The following THSD4 variants were observed in gnomAD, a reference collection of about 807,000 sequenced individuals.
The protein encoded by THSD4 is thrombospondin type 1 domain containing 4.
A neutral mutation model predicts 119.0 loss-of-function variants in THSD4; 69 were observed. The observed-to-expected ratio is 0.58, with a 90% CI of 0.48 to 0.71. The LOEUF is 0.71. Ranked by LOEUF, THSD4 falls within the 30% of genes least tolerant of loss-of-function variation. THSD4 has a pLI of 0.00. For synonymous variants in THSD4, 524 were observed against 540.4 expected (o/e 0.97, Z 0.42); for missense variants, 1,393 against 1,391.1 (o/e 1.00, Z -0.02).
intron 6 of THSD4, among the ~76,000 whole-genome samples, chr15:71,355,117 G>A (rs1682680692): frequency 6.6e-6 from 1 of 152,148 alleles, no homozygotes; most frequent in African/African-American, 2.4e-5. Context: ...AGAGTCTTTC[G>A]TATCCATCAT....
intron 7 of THSD4, among the ~76,000 whole-genome samples, chr15:71,447,761 G>A (rs2047206710): frequency 6.6e-6 from 1 of 152,184 alleles, no homozygotes. Context: ...TTTTTCTCAT[G>A]GAACAACTCC....
intron 6 of THSD4, among the ~76,000 whole-genome samples, chr15:71,402,380 T>A (rs1409201851): frequency 6.6e-6 from 1 of 152,198 alleles, no homozygotes; most frequent in East Asian, 1.9e-4. Flanking sequence ...ATGATGACTA[T>A]GTACATGCAC....
intron 1 of THSD4, among the ~76,000 whole-genome samples, chr15:71,116,123 G>A (rs952527733): frequency 5.4e-4 from 82 of 152,246 alleles, no homozygotes; most frequent in Admixed American, 7.8e-4. Flanking sequence ...CCTCCCTCCC[G>A]CCTGGGGCCC....
chr15:71,621,155 C>G (rs2050411905), intron 7 of THSD4, among the ~76,000 whole-genome samples: 1 of 152,094 alleles, frequency 6.6e-6, no homozygotes, highest in African/African-American at 2.4e-5. Context: ...CAGGATATAA[C>G]TTACAATTAA....
At chr15:71,669,935 C>T (rs1258369885) in intron 8 of THSD4, among the ~76,000 whole-genome samples, 3 of 152,184 alleles carry the variant, frequency 2.0e-5, no homozygotes, top group Non-Finnish European at 4.4e-5. Flanking sequence ...ATTTTCCCTG[C>T]TTTATCTCAA....
At chr15:71,386,780 A>G (rs552494195) in intron 6 of THSD4, among the ~76,000 whole-genome samples, 380 of 152,324 alleles carry the variant, frequency 2.5e-3, no homozygotes, top group Non-Finnish European at 3.6e-3. Context: ...ATACTTTTTA[A>G]AAGAAACTTT....
intron 7 of THSD4, among the ~76,000 whole-genome samples, chr15:71,438,146 C>T (rs551188236): frequency 1.6e-4 from 24 of 152,320 alleles, no homozygotes; most frequent in African/African-American, 5.5e-4. Flanking sequence ...TCGCCCTCAC[C>T]CTCGCCCAGG....
chr15:71,203,180 CGTGG>C (rs1567156161), intron 3 of THSD4, among the ~76,000 whole-genome samples: 4 of 151,936 alleles, frequency 2.6e-5, no homozygotes, highest in Non-Finnish European at 5.9e-5. Flanking sequence ...AGTGTTCTTG[CGTGG>C]TGTGAGCATA....
In THSD4 at chr15:71,320,256, T is replaced by A. The variant is rs2045248518; in HGVS notation, c.1015+63541T>A. Among the ~76,000 whole-genome samples, 2 of 152,306 alleles carry A rather than the reference T, an allele frequency of 1.3e-5. 1 individual carries two copies. The highest frequency in any genetic ancestry group is 1.3e-4 in the Admixed American group (2 of 15,294). ...TGGTACAATTCCATATTGCCTTACATTTTATATAAGTTGTAAGCTCATAAA... is the reference window on the plus strand; with the variant it reads ...TGGTACAATTCCATATTGCCTTACAATTTATATAAGTTGTAAGCTCATAAA... On this transcript the variant is annotated intron_variant, in intron 6 of 17. Coordinates refer to ENST00000261862, the MANE Select transcript of THSD4 (RefSeq NM_024817.3).
intron 7 of THSD4, among the ~76,000 whole-genome samples, chr15:71,544,911 A>G (rs1042079935): frequency 1.5e-4 from 23 of 152,230 alleles, no homozygotes; most frequent in African/African-American, 5.5e-4. Flanking sequence ...ACAAAAGGAC[A>G]AATACTGTAG....
chr15:71,097,795 C>A (rs2040237674), intron 1 of THSD4, among the ~76,000 whole-genome samples: 1 of 150,974 alleles, frequency 6.6e-6, no homozygotes, highest in African/African-American at 2.4e-5. Flanking sequence ...GTTCATTGCT[C>A]TATAGATTAC....
intron 7 of THSD4, among the ~76,000 whole-genome samples, chr15:71,443,096 A>C (rs1199099760): frequency 6.6e-6 from 1 of 152,202 alleles, no homozygotes; most frequent in Non-Finnish European, 1.5e-5. Context: ...AGAGACAGTG[A>C]AACAAGTGTG....
intron 15 of THSD4, among the ~76,000 whole-genome samples, chr15:71,761,220 A>G (rs1028137123): frequency 6.6e-6 from 1 of 152,106 alleles, no homozygotes; most frequent in Non-Finnish European, 1.5e-5. Context: ...TTTGGAAGTT[A>G]TAAATCTTCT....
At position 71,771,148 on chromosome 15, in the gene THSD4, C is replaced by T; in HGVS notation, c.2854C>T (p.Pro952Ser). 6.2e-7 allele frequency: 1 copy of T among 1,614,080 alleles called. No homozygotes were observed. ...CATGACTCTAAGTAACCTCTGTGAC[C>T]CTCAGTTGAAACCAGAAGAGAGAGA... ...DDMTLSNLCD[P>S]QLKPEERESC... is the part of the protein sequence containing the mutation. The change falls in exon 17 of 18, where the codon CCT becomes TCT. Residue 952 changes from proline to serine, a missense_variant. Physicochemically the swap from Pro to Ser is moderately conservative, Grantham distance 74. Coordinates refer to ENST00000261862, the MANE Select transcript of THSD4 (RefSeq NM_024817.3).
chr15:71,444,513 C>G (rs1016457829), intron 7 of THSD4, among the ~76,000 whole-genome samples: 1 of 152,220 alleles, frequency 6.6e-6, no homozygotes, highest in African/African-American at 2.4e-5. Flanking sequence ...CTCCTGAGCA[C>G]CAGACTCATC....
chr15:71,131,530 G>A (rs910686351), intron 1 of THSD4, among the ~76,000 whole-genome samples: 4 of 151,260 alleles, frequency 2.6e-5, no homozygotes, highest in African/African-American at 7.3e-5. Context: ...GGCAAATAAG[G>A]TTGTAAAAAA....
At chr15:71,296,407 C>A (rs999069077) in intron 6 of THSD4, among the ~76,000 whole-genome samples, 1 of 152,148 alleles carries the variant, frequency 6.6e-6, no homozygotes, top group Non-Finnish European at 1.5e-5. Flanking sequence ...ACATCTGGTT[C>A]GTGGATATGT....
intron 8 of THSD4, among the ~76,000 whole-genome samples, chr15:71,661,537 AG>A (rs1385004369): frequency 6.6e-6 from 1 of 151,980 alleles, no homozygotes; most frequent in African/African-American, 2.4e-5. Flanking sequence ...CTGGGACCAC[AG>A]GCGTGCACCA....
intron 7 of THSD4, among the ~76,000 whole-genome samples, chr15:71,431,194 T>C (rs2046939454): frequency 6.6e-6 from 1 of 152,190 alleles, no homozygotes; most frequent in Non-Finnish European, 1.5e-5. Context: ...GAATCAGTAA[T>C]GTTCAAACCT....
Sources: gnomAD v4.1 joint callset for allele counts (sites outside exome capture counted in the v4.1 genomes callset) on GRCh38, gnomAD v4.1.1 for gene constraint, MANE v1.5 for transcripts, NCBI Gene and HGNC (gene_info 2026-07-23, HGNC 2026-07-21) for gene names.